Variants in MSI2 observed in about 807,000 individuals in gnomAD.
MSI2 encodes RNA-binding protein Musashi homolog 2.
Under a neutral mutation model 45.6 loss-of-function variants are expected in MSI2, and 17 were observed. The ratio of observed to expected loss-of-function variants is 0.37; its 90% CI spans 0.26 to 0.56. The LOEUF (loss-of-function observed/expected upper bound fraction) is 0.56. MSI2 is among the 20% of genes least tolerant of loss of function. The probability of loss-of-function intolerance (pLI) is 0.77; values close to 1 mark genes in which losing one functional copy is unlikely to be tolerated. For synonymous variants in MSI2, 156 were observed against 158.2 expected (o/e 0.99, Z 0.11); for missense variants, 293 against 444.2 (o/e 0.66, Z 3.06).
At chr17:57,687,026 A>G (rs912827051), downstream of MSI2, among the ~76,000 whole-genome samples, 9 of 141,678 alleles carry the variant, frequency 6.4e-5, no homozygotes, top group Admixed American at 6.2e-4. Flanking sequence ...AAAAAATTTT[A>G]GAAACAAATA....
intron 6 of MSI2, among the ~76,000 whole-genome samples, chr17:57,520,392 C>A (rs74852289): frequency 7.9e-5 from 12 of 152,060 alleles, no homozygotes; most frequent in African/African-American, 2.9e-4. Flanking sequence ...AAACATTGTG[C>A]GTTTTTTCTT....
chr17:57,631,856 G>A, intron 10 of MSI2: 1 of 1,611,738 alleles, frequency 6.2e-7, no homozygotes, highest in Non-Finnish European at 8.5e-7. Flanking sequence ...ATAGCAAAGT[G>A]GGGGTTGCTA....
intron 6 of MSI2, among the ~76,000 whole-genome samples, chr17:57,447,129 C>T (rs1005211518): frequency 1.3e-5 from 2 of 152,102 alleles, no homozygotes; most frequent in African/African-American, 2.4e-5. Flanking sequence ...TCTGTATCAC[C>T]CAGGCTGGAG....
intron 5 of MSI2, among the ~76,000 whole-genome samples, chr17:57,302,570 C>T (rs1351591042): frequency 6.6e-6 from 1 of 152,194 alleles, no homozygotes; most frequent in African/African-American, 2.4e-5. Context: ...TATTAAATGA[C>T]ACAAATGGCT....
chr17:57,548,165 C>T (rs910218343), intron 7 of MSI2, among the ~76,000 whole-genome samples: 2 of 152,176 alleles, frequency 1.3e-5, no homozygotes, highest in Non-Finnish European at 2.9e-5. Flanking sequence ...GGAAAACCAA[C>T]TCTGGGGTCC....
chr17:57,350,236 G>GTGTGTGTGTGTA (rs1915918261), intron 5 of MSI2, among the ~76,000 whole-genome samples: 1 of 151,794 alleles, frequency 6.6e-6, no homozygotes, highest in African/African-American at 2.4e-5. Context: ...GTGTGTGTGT[G>GTGTGTGTGTGTA]TGTGTGTGTG....
intron 7 of MSI2, among the ~76,000 whole-genome samples, chr17:57,548,999 A>G (rs1168229958): frequency 6.7e-6 from 1 of 148,180 alleles, no homozygotes; most frequent in Non-Finnish European, 1.5e-5. Context: ...GTCTGCACAC[A>G]TAGACACCAA....
intron 5 of MSI2, among the ~76,000 whole-genome samples, chr17:57,282,835 C>CTTTTT (rs564440544): frequency 1.1e-5 from 1 of 92,750 alleles, no homozygotes; most frequent in African/African-American, 4.3e-5. Flanking sequence ...GGGGGGCAGA[C>CTTTTT]TTTTTTTTTT....
At chr17:57,517,493 A>G (rs1485924651) in intron 6 of MSI2, among the ~76,000 whole-genome samples, 1 of 152,198 alleles carries the variant, frequency 6.6e-6, no homozygotes, top group East Asian at 1.9e-4. Flanking sequence ...AGGGCGGGGC[A>G]GAGATGCTCC....
At chr17:57,647,834 G>GTA (rs1173377337) in intron 10 of MSI2, among the ~76,000 whole-genome samples, 1 of 151,938 alleles carries the variant, frequency 6.6e-6, no homozygotes, top group African/African-American at 2.4e-5. Flanking sequence ...TAGAGACAGG[G>GTA]TTTCACTATG....
intron 8 of MSI2, among the ~76,000 whole-genome samples, chr17:57,603,936 G>A (rs958285563): frequency 1.2e-4 from 19 of 152,254 alleles, no homozygotes; most frequent in African/African-American, 4.3e-4. Flanking sequence ...TAGGGGCAGA[G>A]TAGAAAGGGG....
intron 9 of MSI2, among the ~76,000 whole-genome samples, chr17:57,623,363 GAGA>G (rs760777550): frequency 2.6e-5 from 4 of 152,162 alleles, no homozygotes; most frequent in East Asian, 1.9e-4. Flanking sequence ...CAGAGCCCGG[GAGA>G]AGATGAGTCA....
chr17:57,341,001 T>C (rs1915096271), intron 5 of MSI2, among the ~76,000 whole-genome samples: 1 of 152,212 alleles, frequency 6.6e-6, no homozygotes, highest in Admixed American at 6.5e-5. Flanking sequence ...CATTCTGTCC[T>C]GGGGTGTGCT....
chr17:57,487,146 G>C (rs1052239669), intron 6 of MSI2, among the ~76,000 whole-genome samples: 4 of 152,208 alleles, frequency 2.6e-5, no homozygotes, highest in African/African-American at 9.6e-5. Flanking sequence ...AGATCACGGG[G>C]TGAGGGAGGA....
intron 5 of MSI2, among the ~76,000 whole-genome samples, chr17:57,305,856 A>G (rs1475431023): frequency 6.6e-6 from 1 of 152,234 alleles, no homozygotes; most frequent in African/African-American, 2.4e-5. Flanking sequence ...GAAAAGCTCT[A>G]TGTAAACCAT....
At chr17:57,260,256 A>G (rs1176806148) in intron 4 of MSI2, among the ~76,000 whole-genome samples, 2 of 152,246 alleles carry the variant, frequency 1.3e-5, no homozygotes, top group South Asian at 2.1e-4. Flanking sequence ...TCTCCTTCAG[A>G]GATCTCAGCG....
intron 9 of MSI2, among the ~76,000 whole-genome samples, chr17:57,621,846 T>C (rs1474885114): frequency 1.3e-5 from 2 of 151,992 alleles, no homozygotes; most frequent in South Asian, 2.1e-4. Flanking sequence ...AGAGGAGGGG[T>C]TATCCTTAGG....
the MSI2 span, among the ~76,000 whole-genome samples, chr17:57,689,896 A>C: frequency 6.6e-6 from 1 of 152,124 alleles, no homozygotes; most frequent in Admixed American, 6.5e-5. Context: ...CATTATATAG[A>C]TATACCCAAT....
At position 57,676,979 on chromosome 17, in the gene MSI2, A is replaced by G. The variant is rs1273735622; in HGVS notation, c.946-8A>G. On this transcript the variant is annotated splice_region_variant and splice_polypyrimidine_tract_variant and intron_variant, in intron 12 of 13. Coordinates refer to ENST00000284073, the MANE Select transcript of MSI2 (RefSeq NM_138962.4). ...ACACTGATGACCTTAACAATTGTGCAATTTTAGGGACCTTTGATTGCAACG... is the reference window on the plus strand; with the variant it reads ...ACACTGATGACCTTAACAATTGTGCGATTTTAGGGACCTTTGATTGCAACG... The G allele has an allele frequency of 6.9e-6, 11 of 1,602,884 alleles. No homozygotes were observed. The highest frequency in any genetic ancestry group is 9.4e-6 in the Non-Finnish European group (11 of 1,169,754).
Sources: gnomAD v4.1 joint callset for allele counts (sites outside exome capture counted in the v4.1 genomes callset) on GRCh38, gnomAD v4.1.1 for gene constraint, MANE v1.5 for transcripts, NCBI Gene and HGNC (gene_info 2026-07-23, HGNC 2026-07-21) for gene names.